NTRK3: variants seen among roughly 807,000 people sequenced by gnomAD.
The protein encoded by NTRK3 is NT-3 growth factor receptor.
Under a neutral mutation model 91.7 loss-of-function variants are expected in NTRK3, and 24 were observed. That is an observed-to-expected ratio of 0.26 (90% CI 0.19 to 0.37). NTRK3 has a LOEUF of 0.37. NTRK3 is among the 10% of genes least tolerant of loss of function. NTRK3 has a pLI of 1.00. For missense variants in NTRK3, 880 were observed against 1,068.9 expected (o/e 0.82, Z 2.46); for synonymous variants, 483 against 404.0 (o/e 1.20, Z -2.34).
intron 14 of NTRK3, among the ~76,000 whole-genome samples, chr15:88,029,127 A>G (rs1315161385): frequency 6.6e-6 from 1 of 152,206 alleles, no homozygotes; most frequent in African/African-American, 2.4e-5. Flanking sequence ...TGCTCTCAAG[A>G]ACCAGAGGGC....
At chr15:87,956,229 C>T (rs1188872512) in intron 14 of NTRK3, among the ~76,000 whole-genome samples, 2 of 152,196 alleles carry the variant, frequency 1.3e-5, no homozygotes, top group African/African-American at 4.8e-5. Context: ...GCCCAAATAA[C>T]ATACTGCAAG....
rs149279639 is a variant in NTRK3, at chr15:88,033,176, TTATATATATATATATATATATATATA to T, written c.1397-157_1397-132del. 88 of 196,078 alleles carry T rather than the reference TTATATATATATATATATATATATATA, an allele frequency of 4.5e-4. 16 individuals are homozygous for T. Among genetic ancestry groups the T allele is most frequent in the Middle Eastern group, 1.6e-3 (1 of 628 alleles). The allele number at this position is 196,078 out of a possible 1,614,324, so 12.1% of individuals were successfully genotyped here. On this transcript the variant is annotated intron_variant, in intron 13 of 18. Transcript: ENST00000394480. ...CTTTTTTTTACTTTTGGGGGGTGTG[TTATATATATATATATATATATATATA>T]TATATATATATATAAATTCAGTTGT...
At chr15:88,072,349 A>G in intron 13 of NTRK3, 1 of 195,430 alleles carries the variant, frequency 5.1e-6, no homozygotes. Flanking sequence ...CGGGAGTCCC[A>G]GAGCAGAGTG....
intron 14 of NTRK3, among the ~76,000 whole-genome samples, chr15:87,962,220 G>A (rs1029006160): frequency 9.9e-5 from 15 of 152,128 alleles, no homozygotes; most frequent in African/African-American, 3.4e-4. Context: ...TGTCTTGCCC[G>A]TGCATATGTT....
At chr15:87,860,377 T>C (rs1175841207) in exon 19 of NTRK3, 1 of 220,612 alleles carries the variant, frequency 4.5e-6, no homozygotes, top group African/African-American at 2.2e-5. Flanking sequence ...AAAGGAAGGG[T>C]GAGATGAAGA....
intron 15 of NTRK3, among the ~76,000 whole-genome samples, chr15:87,936,319 C>A (rs996844637): frequency 2.6e-5 from 4 of 152,186 alleles, no homozygotes; most frequent in African/African-American, 7.2e-5. Context: ...CCCTCTCTTT[C>A]TTCCAAAGTT....
chr15:87,931,261 G>A (rs2068771344), intron 16 of NTRK3: 1 of 516,906 alleles, frequency 1.9e-6, no homozygotes, highest in Non-Finnish European at 3.9e-6. Context: ...AGGATGTGGT[G>A]AAAAGTAGGG....
chr15:88,205,070 A>T (rs2048624530), intron 3 of NTRK3, among the ~76,000 whole-genome samples: 1 of 152,204 alleles, frequency 6.6e-6, no homozygotes, highest in Admixed American at 6.5e-5. Context: ...AGTGCTGAGA[A>T]ATTGGAGAGA....
At chr15:88,017,084 T>G (rs909125385) in intron 14 of NTRK3, among the ~76,000 whole-genome samples, 1 of 152,058 alleles carries the variant, frequency 6.6e-6, no homozygotes, top group African/African-American at 2.4e-5. Context: ...TGATCTACCT[T>G]GCACCAAAAA....
chr15:88,059,047 C>A (rs572051724), intron 13 of NTRK3, among the ~76,000 whole-genome samples: 29 of 137,860 alleles, frequency 2.1e-4, no homozygotes, highest in African/African-American at 6.3e-4. Flanking sequence ...CACTCACACA[C>A]AAACACACAC....
At chr15:88,140,419 A>G (rs1332631593) in intron 6 of NTRK3, among the ~76,000 whole-genome samples, 2 of 152,194 alleles carry the variant, frequency 1.3e-5, no homozygotes, top group African/African-American at 4.8e-5. Flanking sequence ...ATGCACCCAG[A>G]TGGGGCATCT....
At chr15:88,047,535 G>A (rs186469032) in intron 13 of NTRK3, among the ~76,000 whole-genome samples, 12 of 152,248 alleles carry the variant, frequency 7.9e-5, no homozygotes, top group Non-Finnish European at 1.6e-4. Flanking sequence ...TTGTACTGAT[G>A]TCTAGATCAG....
At chr15:87,919,945 C>T (rs2067739519) in intron 17 of NTRK3, among the ~76,000 whole-genome samples, 2 of 152,182 alleles carry the variant, frequency 1.3e-5, no homozygotes, top group South Asian at 4.1e-4. Flanking sequence ...TGTCCCCCTC[C>T]TATCCTAAAA....
At chr15:88,177,228 G>C (rs530771301) in intron 5 of NTRK3, among the ~76,000 whole-genome samples, 1 of 152,186 alleles carries the variant, frequency 6.6e-6, no homozygotes, top group Non-Finnish European at 1.5e-5. Context: ...TGTAAGTAAC[G>C]CAAGAAGTAA....
chr15:87,956,721 C>T (rs1274308639), intron 14 of NTRK3, among the ~76,000 whole-genome samples: 2 of 150,858 alleles, frequency 1.3e-5, no homozygotes, highest in Non-Finnish European at 2.9e-5. Context: ...CAGGCGCCCA[C>T]CAACATGCCT....
chr15:87,975,523 G>A (rs941994902), intron 14 of NTRK3, among the ~76,000 whole-genome samples: 1 of 152,204 alleles, frequency 6.6e-6, no homozygotes, highest in African/African-American at 2.4e-5. Context: ...CTGCAGGACT[G>A]GCTGGTTCCC....
chr15:87,920,749 C>G (rs956921212), intron 17 of NTRK3, among the ~76,000 whole-genome samples: 2 of 152,110 alleles, frequency 1.3e-5, no homozygotes, highest in Admixed American at 6.6e-5. Context: ...GAAAATTGAA[C>G]CATGGAATCC....
chr15:88,207,072 C>T (rs1214982464), intron 3 of NTRK3, among the ~76,000 whole-genome samples: 3 of 152,234 alleles, frequency 2.0e-5, no homozygotes, highest in South Asian at 4.1e-4. Flanking sequence ...GCGTCTAGCT[C>T]CGCCCCGACA....
chr15:87,884,023 T>C (rs940513463), intron 17 of NTRK3, among the ~76,000 whole-genome samples: 13 of 128,166 alleles, frequency 1.0e-4, no homozygotes, highest in Admixed American at 7.5e-4. Context: ...ACTAAACAAA[T>C]GCAAGAAAAG....
Sources: allele counts gnomAD v4.1 joint callset (sites outside exome capture counted in the v4.1 genomes callset), GRCh38; gene constraint gnomAD v4.1.1; transcripts MANE v1.5; gene names NCBI Gene and HGNC (gene_info 2026-07-23, HGNC 2026-07-21).